The following DMD variants were observed in gnomAD, a reference collection of about 807,000 sequenced individuals.
DMD encodes the protein dystrophin.
Under a neutral mutation model 330.1 loss-of-function variants are expected in DMD, and 63 were observed. The ratio of observed to expected loss-of-function variants is 0.19; its 90% CI spans 0.16 to 0.24. DMD has a LOEUF of 0.24. Ranked by LOEUF, DMD falls within the 10% of genes least tolerant of loss-of-function variation. The probability of loss-of-function intolerance (pLI) is 1.00; values close to 1 mark genes in which losing one functional copy is unlikely to be tolerated. For missense variants in DMD, 3,344 were observed against 2,684.1 expected, an observed-to-expected ratio of 1.25 and a Z score of -5.43; for synonymous variants, 1,223 against 959.8, an observed-to-expected ratio of 1.27 and a Z score of -5.07.
In DMD at chrX:32,281,208, T is replaced by C. The variant is rs6631536; in HGVS notation, c.6290+6321A>G. Among the ~76,000 whole-genome samples the C allele has an allele frequency of 0.037, 4,144 of 111,404 alleles. 343 individuals carry two copies. In the East Asian group the frequency reaches 0.45, roughly 12 times the overall value. On this transcript the variant is annotated intron_variant, in intron 43 of 78. Coordinates refer to ENST00000357033, the MANE Select transcript of DMD (RefSeq NM_004006.3). The stretch of plus-strand genomic sequence containing the variant: ...TGGAACTGTGGTTCCAGAATGGTGG[T>C]GATAAATTTGGAAAATACTTTCTCT...
At chrX:32,832,251 A>G (rs980886160) in intron 4 of DMD, among the ~76,000 whole-genome samples, 6 of 111,654 alleles carry the variant, frequency 5.4e-5, no homozygotes, top group African/African-American at 1.9e-4. Flanking sequence ...AAATAATTTC[A>G]CAAAAAGATT....
intron 55 of DMD, among the ~76,000 whole-genome samples, chrX:31,583,012 C>T (rs1367189530): frequency 8.9e-6 from 1 of 111,960 alleles, no homozygotes; most frequent in African/African-American, 3.2e-5. Context: ...TTGGGACATG[C>T]TAATGTTAAA....
intron 50 of DMD, among the ~76,000 whole-genome samples, chrX:31,793,560 C>T (rs1033183007): frequency 2.7e-5 from 3 of 111,822 alleles, no homozygotes; most frequent in Non-Finnish European, 5.6e-5. Flanking sequence ...CTTAGCCTAG[C>T]CTACCTTCAA....
chrX:32,714,727 A>G lies in DMD; in HGVS notation c.650-15434T>C, dbSNP rs773195143. On this transcript the variant is annotated intron_variant, in intron 7 of 78. Coordinates refer to ENST00000357033, the MANE Select transcript of DMD (RefSeq NM_004006.3). ...TGTCTTTATTTATGTACTTATATAC[A>G]ACTTTAAACTTCCTATAAAAAAAAG... is the stretch of plus-strand genomic sequence containing the variant. Among the ~76,000 whole-genome samples, 21 of 111,964 alleles carry G rather than the reference A, an allele frequency of 1.9e-4. 2 individuals carry two copies. Among genetic ancestry groups the G allele is most frequent in the Admixed American group, 1.7e-3 (18 of 10,535 alleles).
intron 7 of DMD, among the ~76,000 whole-genome samples, chrX:32,781,777 A>G (rs761157187): frequency 2.7e-5 from 3 of 111,533 alleles, no homozygotes; most frequent in Non-Finnish European, 3.8e-5. Flanking sequence ...TACTTTACCT[A>G]TCTCAGAGAG....
chrX:32,003,935 G>A (rs2095644169), intron 44 of DMD, among the ~76,000 whole-genome samples: 1 of 111,352 alleles, frequency 9.0e-6, no homozygotes, highest in Non-Finnish European at 1.9e-5. Context: ...GAAAAATAAG[G>A]TCAAAATTTT....
At chrX:31,837,471 G>A (rs975190796) in intron 48 of DMD, among the ~76,000 whole-genome samples, 3 of 112,180 alleles carry the variant, frequency 2.7e-5, no homozygotes, top group African/African-American at 9.7e-5. Flanking sequence ...GTTACTGTCT[G>A]CTGACTAGCT....
chrX:32,429,130 C>A (rs4829254), intron 29 of DMD, among the ~76,000 whole-genome samples: 1 of 106,344 alleles, frequency 9.4e-6, no homozygotes, highest in South Asian at 4.1e-4. Flanking sequence ...CTGAAAATTT[C>A]TACATTTATA....
rs915664436 is a variant in DMD, at chrX:32,325,696, G to A, written c.5923-15420C>T. On this transcript the variant is annotated intron_variant, in intron 41 of 78. Transcript: ENST00000357033. ...GAAGTAAAGAGAATTATTTTTAGGT[G>A]CCTGAGATTCCTGGAGATGAGGAAA... 2.7e-5 allele frequency among the ~76,000 whole-genome samples: 3 copies of A among 111,595 alleles called. No individual in the cohort carries two copies. The Admixed American group carries it at 2.9e-4, about 11-fold the overall frequency.
chrX:33,033,379 A>C (rs971247461), intron 1 of DMD, among the ~76,000 whole-genome samples: 5 of 107,849 alleles, frequency 4.6e-5, no homozygotes, highest in African/African-American at 6.8e-5. Context: ...TGATTGACTA[A>C]TCATTTAATA....
chrX:32,196,689 TAAAAC>T (rs772322016), intron 44 of DMD, among the ~76,000 whole-genome samples: 35 of 110,767 alleles, frequency 3.2e-4, no homozygotes, highest in Non-Finnish European at 5.9e-4. Context: ...GGGATCATGA[TAAAAC>T]AAGACAGGTG....
At chrX:31,828,579 A>T (rs2149456930) in intron 49 of DMD, among the ~76,000 whole-genome samples, 1 of 106,405 alleles carries the variant, frequency 9.4e-6, no homozygotes. Context: ...CAGGAGAATT[A>T]CTTGAAACTG....
intron 55 of DMD, among the ~76,000 whole-genome samples, chrX:31,521,863 C>G (rs767180057): frequency 9.0e-6 from 1 of 111,704 alleles, no homozygotes; most frequent in African/African-American, 3.3e-5. Context: ...AGTTCTCTTC[C>G]TTTTACACAT....
chrX:31,929,597 T>C lies in DMD; in HGVS notation c.6911A>G (p.Lys2304Arg), dbSNP rs1569515455. ...KLKQTNLQWI[K>R]VSRALPEKQG... Reference sequence around the variant, plus strand: ...CGGAAGAGATGGTTAATGTCTAACCTTTATCCACTGGAGATTTGTCTGCTT... The same window carrying C: ...CGGAAGAGATGGTTAATGTCTAACCCTTATCCACTGGAGATTTGTCTGCTT... The change falls in exon 47 of 79, where the codon AAG (lysine) becomes AGG (arginine). Residue 2304 changes from lysine to arginine, a missense_variant and splice_region_variant. Coordinates refer to ENST00000357033, the MANE Select transcript of DMD (RefSeq NM_004006.3). 8.3e-7 allele frequency: 1 copy of C among 1,210,862 alleles called. No individual in the cohort carries two copies.
At chrX:32,411,648 C>A (rs1288387402) in intron 30 of DMD, 104 bp downstream of exon 30, 6 of 962,531 alleles carry the variant, frequency 6.2e-6, no homozygotes, top group Non-Finnish European at 8.8e-6. Flanking sequence ...ATCAAAACAA[C>A]CCCATGGAAA....
At chrX:31,823,871 G>A (rs760115285) in intron 49 of DMD, among the ~76,000 whole-genome samples, 2 of 111,543 alleles carry the variant, frequency 1.8e-5, no homozygotes, top group African/African-American at 6.5e-5. Flanking sequence ...ACCACACCCA[G>A]CCTTATTAGG....
At chrX:31,485,454 G>A (rs913769418) in intron 57 of DMD, among the ~76,000 whole-genome samples, 3 of 111,458 alleles carry the variant, frequency 2.7e-5, no homozygotes, top group Admixed American at 1.9e-4. Context: ...CCTCGGCCTC[G>A]CAAAGTGCTG....
intron 1 of DMD, among the ~76,000 whole-genome samples, chrX:33,134,976 T>C (rs1028763428): frequency 1.8e-5 from 2 of 111,789 alleles, no homozygotes; most frequent in Non-Finnish European, 1.9e-5. Flanking sequence ...GTTCAGTAGG[T>C]ATAATCCTGT....
chrX:31,600,923 A>C (rs1245169083), intron 55 of DMD, among the ~76,000 whole-genome samples: 1 of 108,408 alleles, frequency 9.2e-6, no homozygotes, highest in Non-Finnish European at 1.9e-5. Context: ...CTATCTTGTG[A>C]GATTTCCCTA....
Sources: allele counts gnomAD v4.1 joint callset (sites outside exome capture counted in the v4.1 genomes callset), GRCh38; gene constraint gnomAD v4.1.1; transcripts MANE v1.5; gene names NCBI Gene and HGNC (gene_info 2026-07-23, HGNC 2026-07-21).